Variants in CDH12 observed in about 807,000 individuals in gnomAD.
The protein encoded by CDH12 is cadherin 12.
In CDH12, 41 loss-of-function variants were observed where a neutral mutation model predicts 74.1. The observed-to-expected ratio is 0.55, with a 90% CI of 0.43 to 0.72. The LOEUF is 0.72. Among genes scored for constraint, CDH12 ranks in the 30% least tolerant of loss-of-function variants. CDH12 has a pLI of 0.00. For missense variants in CDH12, 945 were observed against 977.2 expected, an observed-to-expected ratio of 0.97 and a Z score of 0.44; for synonymous variants, 399 against 355.0, an observed-to-expected ratio of 1.12 and a Z score of -1.39.
At chr5:22,658,349 T>C (rs1347132661) in intron 1 of CDH12, among the ~76,000 whole-genome samples, 1 of 152,130 alleles carries the variant, frequency 6.6e-6, no homozygotes, top group African/African-American at 2.4e-5. Context: ...AAAGCAAACA[T>C]AACTTATCTG....
intron 4 of CDH12, among the ~76,000 whole-genome samples, chr5:22,169,984 T>G (rs1748925823): frequency 6.6e-6 from 1 of 151,938 alleles, no homozygotes; most frequent in South Asian, 2.1e-4. Context: ...CTTTACTGCT[T>G]ATTAAAAATA....
At chr5:21,843,812 C>T (rs981978955) in intron 7 of CDH12, among the ~76,000 whole-genome samples, 3 of 152,160 alleles carry the variant, frequency 2.0e-5, no homozygotes, top group African/African-American at 7.2e-5. Flanking sequence ...GATGAGTGTT[C>T]TGGTTCTACA....
rs1015571563 is a variant in CDH12 at position 22,313,125 on chromosome 5, C to G, written c.-333+92132G>C. Among the ~76,000 whole-genome samples the G allele has an allele frequency of 2.0e-5, 3 of 152,136 alleles. No homozygotes were observed. In the East Asian group the frequency reaches 5.8e-4, roughly 29 times the overall value. Reference sequence around the variant, plus strand: ...AAAACAGTTTGCAGACATTACTCCCCTTGGTGGAGAAGGGTAGAATTGTGG... The same window carrying G: ...AAAACAGTTTGCAGACATTACTCCCGTTGGTGGAGAAGGGTAGAATTGTGG... On this transcript the variant is annotated intron_variant, in intron 3 of 14. Coordinates refer to ENST00000382254, the MANE Select transcript of CDH12 (RefSeq NM_004061.5).
intron 5 of CDH12, among the ~76,000 whole-genome samples, chr5:22,071,198 TTCTTTTTTTCTATTTATATACA>T (rs1741919501): frequency 1.3e-5 from 2 of 152,016 alleles, no homozygotes; most frequent in African/African-American, 4.8e-5. Flanking sequence ...AAATAATATT[TTCTTTTTTTCTATTTATATACA>T]TGTCTTGTTT....
At chr5:22,455,314 A>G (rs1298121569) in intron 2 of CDH12, among the ~76,000 whole-genome samples, 1 of 152,214 alleles carries the variant, frequency 6.6e-6, no homozygotes, top group Non-Finnish European at 1.5e-5. Flanking sequence ...AAACATCTGG[A>G]TAACTGGAGA....
intron 2 of CDH12, among the ~76,000 whole-genome samples, chr5:22,460,243 A>G (rs1056426772): frequency 6.6e-6 from 1 of 152,130 alleles, no homozygotes. Flanking sequence ...AGTAAACAAT[A>G]TGATTTTACT....
chr5:22,658,847 G>A (rs560537213), intron 1 of CDH12, among the ~76,000 whole-genome samples: 5 of 152,072 alleles, frequency 3.3e-5, no homozygotes, highest in Non-Finnish European at 7.4e-5. Context: ...CATAAATTAG[G>A]TACATTTCAC....
intron 5 of CDH12, among the ~76,000 whole-genome samples, chr5:21,978,098 G>A (rs1021128618): frequency 1.3e-5 from 2 of 152,118 alleles, no homozygotes; most frequent in Non-Finnish European, 2.9e-5. Context: ...AACAGTGAAA[G>A]GTATAAAGTA....
chr5:22,367,551 C>T (rs1241025851), intron 3 of CDH12, among the ~76,000 whole-genome samples: 2 of 152,104 alleles, frequency 1.3e-5, no homozygotes, highest in Non-Finnish European at 2.9e-5. Context: ...TGACAGATAC[C>T]TTGTGACAGC....
rs905440848 is a variant in CDH12 at position 22,431,207 on chromosome 5, A to G, written c.-427-25856T>C. ...ATGTATAGGCACACAGCAATCAAATATATTAAGCCACTCAAATCACATATG... is the reference window on the plus strand; with the variant it reads ...ATGTATAGGCACACAGCAATCAAATGTATTAAGCCACTCAAATCACATATG... On this transcript the variant is annotated intron_variant, in intron 2 of 14. Transcript: ENST00000382254. 3.3e-5 allele frequency among the ~76,000 whole-genome samples: 5 copies of G among 152,282 alleles called. No individual in the cohort carries two copies. In the East Asian group the frequency reaches 9.7e-4, roughly 29 times the overall value.
chr5:22,029,686 A>G lies in CDH12; in HGVS notation c.231+48760T>C, dbSNP rs187796244. 5.2e-3 allele frequency among the ~76,000 whole-genome samples: 790 copies of G among 152,302 alleles called. 4 individuals are homozygous for G. Among genetic ancestry groups the G allele is most frequent in the African/African-American group, 0.018 (733 of 41,554 alleles). On this transcript the variant is annotated intron_variant, in intron 5 of 14. Coordinates refer to ENST00000382254, the MANE Select transcript of CDH12 (RefSeq NM_004061.5). ...GGTGGGACTGTAAACTAGATCAACC[A>G]TTGTGGAAGTCAGTGTGGCAATTCC...
intron 5 of CDH12, among the ~76,000 whole-genome samples, chr5:21,980,160 A>C (rs962156338): frequency 2.6e-4 from 39 of 149,804 alleles, no homozygotes; most frequent in African/African-American, 7.5e-4. Context: ...AAAAAAAAAA[A>C]CATACATACA....
chr5:21,838,854 C>T (rs998912499), intron 8 of CDH12, among the ~76,000 whole-genome samples: 4 of 152,172 alleles, frequency 2.6e-5, no homozygotes, highest in African/African-American at 9.7e-5. Flanking sequence ...GGTCTCAAGT[C>T]CAACTTCTAC....
chr5:21,979,931 C>T lies in CDH12; in HGVS notation c.232-4546G>A, dbSNP rs943785435. The stretch of plus-strand genomic sequence containing the variant: ...GTGTAAAAGTGTTCCTATTTCTCCA[C>T]ATCCTCTCCAGCACCTGTTGTTTCC... On this transcript the variant is annotated intron_variant, in intron 5 of 14. Coordinates refer to ENST00000382254, the MANE Select transcript of CDH12 (RefSeq NM_004061.5). Among the ~76,000 whole-genome samples, 180 of 151,928 alleles carry T rather than the reference C, an allele frequency of 1.2e-3. 1 individual carries two copies. The highest frequency in any genetic ancestry group is 4.1e-3 in the African/African-American group (169 of 41,440).
intron 1 of CDH12, among the ~76,000 whole-genome samples, chr5:22,589,966 A>G (rs1017827680): frequency 6.6e-6 from 1 of 152,158 alleles, no homozygotes; most frequent in East Asian, 1.9e-4. Context: ...CAAATTTACC[A>G]TACGCTTCAT....
At chr5:22,131,404 A>G (rs1239019663) in intron 4 of CDH12, among the ~76,000 whole-genome samples, 1 of 152,056 alleles carries the variant, frequency 6.6e-6, no homozygotes, top group Non-Finnish European at 1.5e-5. Context: ...TCCTAACCCA[A>G]CTTGGCTCCA....
At chr5:22,095,690 C>A (rs572800043) in intron 4 of CDH12, among the ~76,000 whole-genome samples, 7 of 151,638 alleles carry the variant, frequency 4.6e-5, no homozygotes, top group African/African-American at 1.5e-4. Context: ...CGTGTCTCTA[C>A]CCCTTCTCTG....
intron 2 of CDH12, among the ~76,000 whole-genome samples, chr5:22,466,549 G>A (rs1745735886): frequency 6.6e-6 from 1 of 152,094 alleles, no homozygotes; most frequent in Non-Finnish European, 1.5e-5. Context: ...GTGCACTTTT[G>A]CACACGTGTG....
Position 22,608,682 on chromosome 5 carries a change from G to A in CDH12, c.-522-103318C>T, listed in dbSNP as rs557158553. Among the ~76,000 whole-genome samples, 21 of 152,264 alleles carry A rather than the reference G, an allele frequency of 1.4e-4. 1 individual carries two copies. In the South Asian group the frequency reaches 3.7e-3, roughly 27 times the overall value. ...ATTGTAACAATTCCCATGTGTCATG[G>A]GTGGGAGCATGTGGAGATAACTGGA... On this transcript the variant is annotated intron_variant, in intron 1 of 14. Transcript: ENST00000382254.
Sources: gnomAD v4.1 joint callset for allele counts (sites outside exome capture counted in the v4.1 genomes callset) on GRCh38, gnomAD v4.1.1 for gene constraint, MANE v1.5 for transcripts, NCBI Gene and HGNC (gene_info 2026-07-23, HGNC 2026-07-21) for gene names.